Variants in SPATA20 observed in about 807,000 individuals in gnomAD.
The protein encoded by SPATA20 is spermatogenesis-associated protein 20.
In SPATA20, 74 loss-of-function variants were observed where a neutral mutation model predicts 98.9. That is an observed-to-expected ratio of 0.75 (90% CI 0.62 to 0.91). The LOEUF (loss-of-function observed/expected upper bound fraction) is 0.91, where lower values mean the gene tolerates loss of function less well. SPATA20 is among the 40% of genes least tolerant of loss of function. The probability of loss-of-function intolerance (pLI) is 0.00; values close to 1 mark genes in which losing one functional copy is unlikely to be tolerated. For synonymous variants in SPATA20, 430 were observed against 440.5 expected, an observed-to-expected ratio of 0.98 and a Z score of 0.30; for missense variants, 1,016 against 1,069.8, an observed-to-expected ratio of 0.95 and a Z score of 0.70.
chr17:50,549,452 G>A lies in SPATA20; in HGVS notation c.827G>A (p.Gly276Asp). 1.9e-6 allele frequency: 3 copies of A among 1,612,458 alleles called. No individual in the cohort carries two copies. The highest frequency in any genetic ancestry group is 1.7e-5 in the Admixed American group (1 of 60,012). ...GATGAGGGCTATGATGAGGAATACG[G>A]TGGCTTCGCTGAGGCCCCCAAGTTT... ...QLDEGYDEEY[G>D]GFAEAPKFPT... Residue 276 changes from glycine to aspartate, a missense_variant, in exon 7 of 17, where the codon GGT becomes GAT. By Grantham distance (94) the Gly-to-Asp change is moderately conservative. Transcript: ENST00000006658.
chr17:50,555,413 G>T (rs920081830), intron 16 of SPATA20, 79 bp from the exon 17 acceptor site: 17 of 1,594,672 alleles, frequency 1.1e-5, no homozygotes, highest in Non-Finnish European at 1.4e-5. Context: ...TGGGAAGAGG[G>T]AACTTCCCAG....
intron 2 of SPATA20, 199 bp from the exon 3 acceptor site, chr17:50,548,084 A>G: frequency 5.3e-6 from 8 of 1,505,324 alleles, no homozygotes; most frequent in Non-Finnish European, 7.1e-6. Context: ...AGGAGCCCCC[A>G]ATGAGCCACC....
rs138557972 is a variant in SPATA20 at position 50,550,299 on chromosome 17, C to A, written c.1085C>A (p.Ser362Ter). 1.9e-6 allele frequency: 3 copies of A among 1,586,706 alleles called. No individual in the cohort carries two copies. Among genetic ancestry groups the A allele is most frequent in the East Asian group, 2.2e-5 (1 of 44,456 alleles). ...YDQAQLAVAY[S>*]QAFQLSGDEF... ...CAGGCACAGCTCGCTGTGGCCTATT[C>A]GCAGGCCTTCCAGGTGACCCCTGAC... The change falls in exon 9 of 17, where the codon TCG (serine) becomes TAG (stop). Residue 362 changes from serine (S) to a stop codon, truncating the protein, a stop_gained. Coordinates refer to ENST00000006658, the MANE Select transcript of SPATA20 (RefSeq NM_022827.4). LOFTEE classifies it high-confidence loss of function.
Position 50,549,354 on chromosome 17 carries a change from A to C in SPATA20, c.729A>C (p.Ser243=), listed in dbSNP as rs1327351038. Residue 243 remains serine (S), a synonymous_variant, in exon 7 of 17, where the codon TCA becomes TCC. Transcript: ENST00000006658. ...TCACCACTGCCCTGCTGGCCCGATC[A>C]GAGATCAGCGTGGGTGACCGCCAGC... ...QRVTTALLAR[S]EISVGDRQLP... The C allele has an allele frequency of 6.2e-7, 1 of 1,612,592 alleles. No homozygotes were observed. Among genetic ancestry groups the C allele is most frequent in the Admixed American group, 1.7e-5 (1 of 60,028 alleles).
rs769707314 is a variant in SPATA20 at position 50,552,076 on chromosome 17, G to A, written c.1853G>A (p.Arg618Gln). 5.0e-6 allele frequency: 8 copies of A among 1,613,690 alleles called. No homozygotes were observed. Among genetic ancestry groups the A allele is most frequent in the Non-Finnish European group, 6.8e-6 (8 of 1,179,996 alleles). Reference protein sequence around the residue: ...QESAWLEWALRLQDTQDKLFW... With the variant: ...QESAWLEWALQLQDTQDKLFW... ...AGTGCGTGGCTCGAGTGGGCTCTGC[G>A]GCTGCAGGACACACAGGACAAGCTC... Residue 618 changes from arginine (R) to glutamine (Q), a missense_variant, in exon 14 of 17, where the codon CGG becomes CAG. Coordinates refer to ENST00000006658, the MANE Select transcript of SPATA20 (RefSeq NM_022827.4).
intron 7 of SPATA20, 143 bp from the exon 8 acceptor site, chr17:50,549,842 T>C (rs1430291501): frequency 1.1e-6 from 1 of 910,232 alleles, no homozygotes; most frequent in Non-Finnish European, 1.7e-6. Context: ...GTCCTGTGGG[T>C]TGACTCTTGA....
Position 50,551,989 on chromosome 17 carries a change from T to G in SPATA20, c.1766T>G (p.Phe589Cys), listed in dbSNP as rs572701535. 1.9e-6 allele frequency: 3 copies of G among 1,607,542 alleles called. No homozygotes were observed. In the African/African-American group the frequency reaches 4.0e-5, roughly 21 times the overall value. Residue 589 changes from phenylalanine to cysteine, a missense_variant, in exon 14 of 17, where the codon TTC becomes TGC. Phe to Cys is a radical substitution (Grantham distance 205). Transcript: ENST00000006658. ...CCCAGCAACCCACCCTGCTGGGGCTTCCTGGAGGACTACGCCTTCGTGGTG... is the reference window on the plus strand; with the variant it reads ...CCCAGCAACCCACCCTGCTGGGGCTGCCTGGAGGACTACGCCTTCGTGGTG... ...VEHSNPPCWG[F>C]LEDYAFVVRG...
rs964929941 is a variant in SPATA20 at position 50,551,105 on chromosome 17, C to A, written c.1491C>A (p.Leu497=). The change falls in exon 12 of 17, where the codon CTC becomes CTA. Residue 497 remains leucine (L), a synonymous_variant. Transcript: ENST00000006658. ...ATGTGGAGGCCGTGCGGACCTTGCT[C>A]AATTCAGGGCTGGAGAAGCTCTTCC... ...GLDVEAVRTL[L]NSGLEKLFQA... 1.9e-6 allele frequency: 3 copies of A among 1,612,180 alleles called. No homozygotes were observed. The highest frequency in any genetic ancestry group is 2.5e-6 in the Non-Finnish European group (3 of 1,179,998).
In SPATA20 at chr17:50,549,039, C is replaced by T; in HGVS notation, c.517-4C>T. 1.2e-6 allele frequency: 2 copies of T among 1,613,792 alleles called. No homozygotes were observed. The highest frequency in any genetic ancestry group is 1.3e-5 in the African/African-American group (1 of 75,048). ...TCCCCTCACCCTCGCCCTCTCTCCG[C>T]CAGGCCACCAGCAGCGGCGGGGGCT... On this transcript the variant is annotated splice_polypyrimidine_tract_variant and splice_region_variant and intron_variant, in intron 5 of 16. Coordinates refer to ENST00000006658, the MANE Select transcript of SPATA20 (RefSeq NM_022827.4).
chr17:50,555,820 C>T lies in SPATA20; in HGVS notation c.*158C>T, dbSNP rs1365492012. On this transcript the variant is annotated 3_prime_UTR_variant, in exon 17 of 17. Coordinates refer to ENST00000006658, the MANE Select transcript of SPATA20 (RefSeq NM_022827.4). ...ACTGCCCCCCTTGGGCACCCACTCACCCTAGAATAAACTTAACAGTGTCCC... is the reference window on the plus strand; with the variant it reads ...ACTGCCCCCCTTGGGCACCCACTCATCCTAGAATAAACTTAACAGTGTCCC... The T allele has an allele frequency of 9.6e-6, 6 of 621,920 alleles. No individual in the cohort carries two copies. The highest frequency in any genetic ancestry group is 6.1e-5 in the Admixed American group (2 of 32,770). 38.5% of individuals were successfully genotyped at this position (621,920 alleles called of 1,614,324 possible). A position where few individuals can be genotyped will look rare whatever the true frequency, so the allele number is the denominator to read the frequency against.
At chr17:50,548,693 TG>T in intron 4 of SPATA20, 75 bp downstream of exon 4, 1 of 1,588,852 alleles carries the variant, frequency 6.3e-7, no homozygotes, top group South Asian at 1.1e-5. Flanking sequence ...CCTCTCGGCC[TG>T]GCGGGTCTTC....
Position 50,555,291 on chromosome 17 carries a change from C to T in SPATA20, c.2217C>T (p.His739=), listed in dbSNP as rs755654926. 1.2e-6 allele frequency: 2 copies of T among 1,614,040 alleles called. No homozygotes were observed. The highest frequency in any genetic ancestry group is 1.7e-6 in the Non-Finnish European group (2 of 1,179,952). ...KDTKALVQCV[H]SVYIPNKVLI... ...CCAAGGCCCTGGTGCAGTGCGTCCA[C>T]TCTGTCTACATTCCTAACAAGGTAC... is the stretch of plus-strand genomic sequence containing the variant. Residue 739 remains histidine, a synonymous_variant, in exon 16 of 17, where the codon CAC becomes CAT. Coordinates refer to ENST00000006658, the MANE Select transcript of SPATA20 (RefSeq NM_022827.4).
chr17:50,551,455 C>A, intron 12 of SPATA20, 56 bp from the exon 13 acceptor site: 1 of 1,545,750 alleles, frequency 6.5e-7, no homozygotes. Context: ...ATAGGGTGGA[C>A]ATGCCTGGAG....
In SPATA20 at chr17:50,550,091, G is replaced by T; in HGVS notation, c.969G>T (p.Gly323=). ...ATACCCTGAAAATGATGGCTAACGG[G>T]GGCATCCGGGACCATGTGGGGCAGG... The part of the protein sequence containing the change: ...ALHTLKMMAN[G]GIRDHVGQGF... The change falls in exon 8 of 17, where the codon GGG becomes GGT. Residue 323 remains glycine (G), a synonymous_variant. Transcript: ENST00000006658. 1 of 1,612,480 alleles carries T rather than the reference G, an allele frequency of 6.2e-7. No homozygotes were observed. Among genetic ancestry groups the T allele is most frequent in the Non-Finnish European group, 8.5e-7 (1 of 1,179,224 alleles).
Position 50,550,592 on chromosome 17 carries a change from T to C in SPATA20, c.1155T>C (p.Ala385=). 6.2e-7 allele frequency: 1 copy of C among 1,614,100 alleles called. No individual in the cohort carries two copies. The highest frequency in any genetic ancestry group is 2.2e-5 in the East Asian group (1 of 44,860). Residue 385 remains alanine (A), a synonymous_variant, in exon 10 of 17, where the codon GCT becomes GCC. Transcript: ENST00000006658. ...DVAKGILQYV[A]RSLSHRSGGF... ...CCAAAGGCATCCTGCAGTACGTGGC[T>C]CGGAGCCTGAGCCACCGGGTGTGTG...
intron 15 of SPATA20, among the ~76,000 whole-genome samples, chr17:50,554,717 TG>T (rs1369261989): frequency 6.6e-6 from 1 of 152,136 alleles, no homozygotes; most frequent in East Asian, 1.9e-4. Flanking sequence ...CGGGTGTGTG[TG>T]ACCCTGGAGG....
rs953916792 is a variant in SPATA20, at chr17:50,550,419, C to T, written c.1098+107C>T. On this transcript the variant is annotated intron_variant, in intron 9 of 16. Coordinates refer to ENST00000006658, the MANE Select transcript of SPATA20 (RefSeq NM_022827.4). Reference sequence around the variant, plus strand: ...CTTAATCTGAATCCCCTGTTCCCTCCCATGTACCCACTACCCAGGCTTCCC... The same window carrying T: ...CTTAATCTGAATCCCCTGTTCCCTCTCATGTACCCACTACCCAGGCTTCCC... 9 of 1,359,340 alleles carry T rather than the reference C, an allele frequency of 6.6e-6. No individual in the cohort carries two copies. The Admixed American group carries it at 8.6e-5, about 13-fold the overall frequency. The allele number at this position is 1,359,340 out of a possible 1,614,324, so 84.2% of individuals were successfully genotyped here. A position where few individuals can be genotyped will look rare whatever the true frequency, so the allele number is the denominator to read the frequency against.
chr17:50,548,116 A>C, intron 2 of SPATA20, 167 bp from the exon 3 acceptor site: 1 of 1,504,460 alleles, frequency 6.6e-7, no homozygotes, highest in Non-Finnish European at 8.8e-7. Context: ...CCCAAAAAAC[A>C]TAAGGGGGAG....
intron 2 of SPATA20, 198 bp from the exon 3 acceptor site, chr17:50,548,085 A>G (rs772298205): frequency 6.9e-5 from 104 of 1,505,704 alleles, no homozygotes; most frequent in Middle Eastern, 1.7e-4. Flanking sequence ...GGAGCCCCCA[A>G]TGAGCCACCT....
Sources: allele counts gnomAD v4.1 joint callset (sites outside exome capture counted in the v4.1 genomes callset), GRCh38; gene constraint gnomAD v4.1.1; transcripts MANE v1.5; gene names NCBI Gene and HGNC (gene_info 2026-07-23, HGNC 2026-07-21).